The following AAGAB variants were observed in gnomAD, a reference collection of about 807,000 sequenced individuals.
AAGAB encodes the protein alpha- and gamma-adaptin-binding protein p34.
AAGAB carries 38 observed loss-of-function variants against 44.1 expected under a neutral mutation model. The observed-to-expected ratio is 0.86, with a 90% CI of 0.67 to 1.13. The LOEUF (loss-of-function observed/expected upper bound fraction) is 1.13. AAGAB is among the 50% of genes most tolerant of loss of function. The pLI is 0.00. For missense variants in AAGAB, 450 were observed against 373.8 expected (o/e 1.20, Z -1.68); for synonymous variants, 131 against 131.8 (o/e 0.99, Z 0.04).
chr15:67,248,831 G>C (rs778510117), intron 1 of AAGAB, among the ~76,000 whole-genome samples: 9 of 152,122 alleles, frequency 5.9e-5, no homozygotes, highest in Non-Finnish European at 1.0e-4. Flanking sequence ...GAGGACCGGA[G>C]GGTTATTTCT....
intron 7 of AAGAB, among the ~76,000 whole-genome samples, chr15:67,207,653 T>TTG (rs1256120629): frequency 2.0e-5 from 3 of 152,236 alleles, no homozygotes; most frequent in Non-Finnish European, 2.9e-5. Context: ...TCAGTTATTT[T>TTG]TGTTTTTAGC....
At chr15:67,213,907 G>A (rs954813337) in intron 5 of AAGAB, among the ~76,000 whole-genome samples, 4 of 152,102 alleles carry the variant, frequency 2.6e-5, no homozygotes, top group Non-Finnish European at 4.4e-5. Flanking sequence ...CTTCTTTATT[G>A]TATTATCCTC....
intron 5 of AAGAB, among the ~76,000 whole-genome samples, chr15:67,216,595 G>A (rs142741458): frequency 6.7e-6 from 1 of 149,166 alleles, no homozygotes. Flanking sequence ...CTAAACATCA[G>A]AGTGAGTGCT....
chr15:67,202,671 C>G lies in AAGAB; in HGVS notation c.*150G>C. The G allele has an allele frequency of 1.6e-6, 1 of 644,996 alleles. No individual in the cohort carries two copies. Among genetic ancestry groups the G allele is most frequent in the Admixed American group, 2.8e-5 (1 of 36,170 alleles). The allele number at this position is 644,996 out of a possible 1,614,324, so 40.0% of individuals were successfully genotyped here. ...GAAAAAAAAGATTTCTCCTTAACCTCCTACTAAAAACTAAAATTAAGGGGA... is the reference window on the plus strand; with the variant it reads ...GAAAAAAAAGATTTCTCCTTAACCTGCTACTAAAAACTAAAATTAAGGGGA... On this transcript the variant is annotated 3_prime_UTR_variant, in exon 10 of 10. Coordinates refer to ENST00000261880, the MANE Select transcript of AAGAB (RefSeq NM_024666.5).
intron 5 of AAGAB, among the ~76,000 whole-genome samples, chr15:67,229,721 T>G (rs907543013): frequency 6.6e-6 from 1 of 152,108 alleles, no homozygotes; most frequent in South Asian, 2.1e-4. Context: ...CCAATCTCAC[T>G]TAACACTCAA....
At chr15:67,204,433 A>G (rs893749428) in intron 7 of AAGAB, among the ~76,000 whole-genome samples, 20 of 152,236 alleles carry the variant, frequency 1.3e-4, no homozygotes, top group Admixed American at 9.8e-4. Flanking sequence ...CCGAGGTGAC[A>G]GCTAGTAAGT....
Position 67,236,502 on chromosome 15 carries a change from T to C in AAGAB, c.267A>G (p.Lys89=), listed in dbSNP as rs1443375157. ...ATGAGGAGACACTATCAAGGCCCGATTTCTAGAGGGAACAAAAAATATAAA... is the reference window on the plus strand; with the variant it reads ...ATGAGGAGACACTATCAAGGCCCGACTTCTAGAGGGAACAAAAAATATAAA... The part of the protein sequence containing the change: ...AFVVYFDSTQ[K]SGLDSVSSWL... Residue 89 remains lysine, a splice_region_variant and synonymous_variant, in exon 3 of 10, where the codon AAA becomes AAG. Transcript: ENST00000261880. 4.3e-6 allele frequency: 7 copies of C among 1,613,748 alleles called. No individual in the cohort carries two copies. The Admixed American group carries it at 1.2e-4, about 27-fold the overall frequency.
At chr15:67,205,332 T>C (rs563279485) in intron 7 of AAGAB, among the ~76,000 whole-genome samples, 20 of 152,244 alleles carry the variant, frequency 1.3e-4, no homozygotes, top group Admixed American at 2.6e-4. Flanking sequence ...ATATATTTGC[T>C]TTCGTTCAAT....
At chr15:67,247,569 G>A (rs1596018444) in intron 1 of AAGAB, among the ~76,000 whole-genome samples, 1 of 152,174 alleles carries the variant, frequency 6.6e-6, no homozygotes, top group Non-Finnish European at 1.5e-5. Flanking sequence ...ATGGGCTGAT[G>A]TGTAATACTT....
chr15:67,237,378 C>A (rs538699787), intron 1 of AAGAB, among the ~76,000 whole-genome samples: 2 of 152,294 alleles, frequency 1.3e-5, no homozygotes, highest in Admixed American at 1.3e-4. Context: ...TTATATTCAG[C>A]CTTGTTCACA....
Position 67,202,739 on chromosome 15 carries a change from T to A in AAGAB, c.*82A>T. On this transcript the variant is annotated 3_prime_UTR_variant, in exon 10 of 10. Transcript: ENST00000261880. ...GCAGCCAACATGATAAGGGCAATTT[T>A]GGCAAAATATGACTGGGCTGAGTAG... 1 of 1,434,406 alleles carries A rather than the reference T, an allele frequency of 7.0e-7. No individual in the cohort carries two copies. Among genetic ancestry groups the A allele is most frequent in the Non-Finnish European group, 9.8e-7 (1 of 1,019,096 alleles). The allele number at this position is 1,434,406 out of a possible 1,614,324, so 88.9% of individuals were successfully genotyped here. A position where few individuals can be genotyped will look rare whatever the true frequency, so the allele number is the denominator to read the frequency against.
rs1003731417 is a variant in AAGAB at position 67,201,703 on chromosome 15, T to C, written c.*1118A>G. 2 of 152,354 alleles carry C rather than the reference T, an allele frequency of 1.3e-5. No homozygotes were observed. The highest frequency in any genetic ancestry group is 4.8e-5 in the African/African-American group (2 of 41,450). The allele number at this position is 152,354 out of a possible 1,614,324, so 9.4% of individuals were successfully genotyped here. A position where few individuals can be genotyped will look rare whatever the true frequency, so the allele number is the denominator to read the frequency against. On this transcript the variant is annotated 3_prime_UTR_variant, in exon 10 of 10. Transcript: ENST00000261880. ...AACAAATAAGGATTTTTATTTGCAGTACTTTCCACTCTTCCTTTAAAAACT... is the reference window on the plus strand; with the variant it reads ...AACAAATAAGGATTTTTATTTGCAGCACTTTCCACTCTTCCTTTAAAAACT...
chr15:67,236,087 G>A lies in AAGAB; in HGVS notation c.362-19C>T. ...TTTATACCTAAAATAATATGCAAAA[G>A]AATCTTCATAAGTAAAAAGAAAATA... is the stretch of plus-strand genomic sequence containing the variant. On this transcript the variant is annotated intron_variant, in intron 3 of 9. Coordinates refer to ENST00000261880, the MANE Select transcript of AAGAB (RefSeq NM_024666.5). The A allele has an allele frequency of 6.5e-7, 1 of 1,542,242 alleles. No individual in the cohort carries two copies. The highest frequency in any genetic ancestry group is 8.9e-7 in the Non-Finnish European group (1 of 1,121,962).
intron 5 of AAGAB, among the ~76,000 whole-genome samples, chr15:67,212,153 T>C (rs1394828005): frequency 6.6e-6 from 1 of 152,130 alleles, no homozygotes; most frequent in East Asian, 1.9e-4. Context: ...AGTGCTGGGA[T>C]TATAGGCGTG....
Position 67,202,637 on chromosome 15 carries a change from T to C in AAGAB, c.*184A>G. ...CACTGTATTCCTCACTCTCTTACAA[T>C]ATACTGAGGAAAAAAAAGATTTCTC... On this transcript the variant is annotated 3_prime_UTR_variant, in exon 10 of 10. Coordinates refer to ENST00000261880, the MANE Select transcript of AAGAB (RefSeq NM_024666.5). The C allele has an allele frequency of 1.7e-6, 1 of 600,710 alleles. No individual in the cohort carries two copies. Among genetic ancestry groups the C allele is most frequent in the South Asian group, 2.1e-5 (1 of 47,284 alleles). The allele number at this position is 600,710 out of a possible 1,614,324, so 37.2% of individuals were successfully genotyped here. A position where few individuals can be genotyped will look rare whatever the true frequency, so the allele number is the denominator to read the frequency against.
At chr15:67,218,185 C>T (rs751538638) in intron 5 of AAGAB, among the ~76,000 whole-genome samples, 20 of 152,234 alleles carry the variant, frequency 1.3e-4, no homozygotes, top group Non-Finnish European at 2.1e-4. Context: ...TAATCTAATC[C>T]CTCTTTCACT....
chr15:67,225,598 C>T (rs1835556349), intron 5 of AAGAB, among the ~76,000 whole-genome samples: 1 of 152,182 alleles, frequency 6.6e-6, no homozygotes, highest in Admixed American at 6.5e-5. Context: ...TACTTTCTAT[C>T]TTTATGAATT....
intron 1 of AAGAB, among the ~76,000 whole-genome samples, chr15:67,248,698 G>A (rs1964787185): frequency 6.6e-6 from 1 of 152,212 alleles, no homozygotes; most frequent in African/African-American, 2.4e-5. Context: ...CAATCTTGCA[G>A]AAGAATGCAT....
At chr15:67,254,421 G>A (rs1372180936) in intron 1 of AAGAB, 138 bp downstream of exon 1, 1 of 1,441,944 alleles carries the variant, frequency 6.9e-7, no homozygotes, top group Non-Finnish European at 9.1e-7. Context: ...CACCTGGGGA[G>A]ACTGGGCGCC....
Sources: gnomAD v4.1 joint callset for allele counts (sites outside exome capture counted in the v4.1 genomes callset) on GRCh38, gnomAD v4.1.1 for gene constraint, MANE v1.5 for transcripts, NCBI Gene and HGNC (gene_info 2026-07-23, HGNC 2026-07-21) for gene names.